DTNA: variants seen among roughly 807,000 people sequenced by gnomAD.
DTNA encodes the protein dystrophin-related protein 3.
Under a neutral mutation model 100.7 loss-of-function variants are expected in DTNA, and 43 were observed. The observed-to-expected ratio is 0.43, with a 90% confidence interval of 0.33 to 0.55. The LOEUF is 0.55. DTNA is among the 20% of genes least tolerant of loss of function. The pLI is 0.04. For missense variants in DTNA, 798 were observed against 953.9 expected (o/e 0.84, Z 2.15); for synonymous variants, 349 against 347.9 (o/e 1.00, Z -0.04).
At chr18:34,834,099 T>A (rs1385003796) in intron 11 of DTNA, among the ~76,000 whole-genome samples, 2 of 152,172 alleles carry the variant, frequency 1.3e-5, no homozygotes, top group Non-Finnish European at 1.5e-5. Context: ...AATATTGTGA[T>A]AATATAGCAC....
At chr18:34,617,657 T>C (rs1269201895) in intron 1 of DTNA, among the ~76,000 whole-genome samples, 1 of 152,074 alleles carries the variant, frequency 6.6e-6, no homozygotes, top group Admixed American at 6.6e-5. Flanking sequence ...TAGGGAAGAG[T>C]TCCCCCTCCT....
At chr18:34,754,230 T>C (rs78133536) in intron 1 of DTNA, among the ~76,000 whole-genome samples, 1 of 148,882 alleles carries the variant, frequency 6.7e-6, no homozygotes, top group East Asian at 2.0e-4. Context: ...TTACCACCAA[T>C]TTTTTTTTTT....
intron 17 of DTNA, chr18:34,867,697 A>G (rs1297378522): frequency 1.0e-6 from 1 of 985,998 alleles, no homozygotes. Context: ...TTTCCAGGCC[A>G]TTTCCCAGGC....
intron 1 of DTNA, among the ~76,000 whole-genome samples, chr18:34,545,377 A>G (rs982308521): frequency 6.6e-6 from 1 of 152,136 alleles, no homozygotes; most frequent in African/African-American, 2.4e-5. Context: ...TTATATTCCT[A>G]CTAGGATATG....
intron 14 of DTNA, among the ~76,000 whole-genome samples, chr18:34,849,610 T>C (rs2096444532): frequency 6.6e-6 from 1 of 152,222 alleles, no homozygotes; most frequent in Non-Finnish European, 1.5e-5. Context: ...AATGGCAGCC[T>C]GCAGACCAAA....
At chr18:34,583,838 CT>C (rs2048865935) in intron 1 of DTNA, among the ~76,000 whole-genome samples, 1 of 152,140 alleles carries the variant, frequency 6.6e-6, no homozygotes, top group African/African-American at 2.4e-5. Context: ...CCCTCCTCAA[CT>C]TTTTGCAGCC....
In DTNA at chr18:34,634,192, C is replaced by A. The variant is rs1471953153; in HGVS notation, c.-1-121784C>A. 2.0e-5 allele frequency among the ~76,000 whole-genome samples: 3 copies of A among 152,172 alleles called. No homozygotes were observed. The East Asian group carries it at 5.8e-4, about 29-fold the overall frequency. ...CATCACGTTTTCTCGAAAGCATTTA[C>A]TCCTTTGCCCAAAATGCATTTCTGT... is the stretch of plus-strand genomic sequence containing the variant. On this transcript the variant is annotated intron_variant, in intron 1 of 19. Transcript: ENST00000283365.
At chr18:34,568,084 G>A (rs576852708) in intron 1 of DTNA, among the ~76,000 whole-genome samples, 1 of 152,034 alleles carries the variant, frequency 6.6e-6, no homozygotes, top group East Asian at 1.9e-4. Context: ...CAATAGATTG[G>A]GAAATGAGAC....
At chr18:34,822,772 G>A (rs1410852455) in intron 9 of DTNA, among the ~76,000 whole-genome samples, 1 of 152,140 alleles carries the variant, frequency 6.6e-6, no homozygotes, top group Non-Finnish European at 1.5e-5. Flanking sequence ...TGAATTAACT[G>A]AGGGCTATAG....
chr18:34,740,971 A>G (rs2090540945), intron 1 of DTNA, among the ~76,000 whole-genome samples: 1 of 152,182 alleles, frequency 6.6e-6, no homozygotes, highest in African/African-American at 2.4e-5. Context: ...TCAGAGGAGC[A>G]TGATGTATGT....
chr18:34,765,631 A>G (rs1370504413), intron 2 of DTNA, among the ~76,000 whole-genome samples: 1 of 152,210 alleles, frequency 6.6e-6, no homozygotes, highest in Non-Finnish European at 1.5e-5. Context: ...TATCTATATC[A>G]TCTCGCTGTT....
chr18:34,540,573 C>T (rs1169590080), intron 1 of DTNA, among the ~76,000 whole-genome samples: 1 of 151,872 alleles, frequency 6.6e-6, no homozygotes, highest in Admixed American at 6.6e-5. Flanking sequence ...TATCATAGTC[C>T]TTAAAATAAT....
intron 1 of DTNA, among the ~76,000 whole-genome samples, chr18:34,703,443 A>G (rs2081663713): frequency 1.3e-5 from 2 of 152,200 alleles, no homozygotes; most frequent in Admixed American, 6.5e-5. Flanking sequence ...TATACTTGCA[A>G]ATGGTCAAGT....
At chr18:34,556,208 T>G (rs1020254895) in intron 1 of DTNA, among the ~76,000 whole-genome samples, 6 of 151,400 alleles carry the variant, frequency 4.0e-5, no homozygotes, top group South Asian at 2.1e-4. Flanking sequence ...CCTTTTTTTG[T>G]TTTCCATTTG....
chr18:34,549,108 C>T (rs933300940), intron 1 of DTNA, among the ~76,000 whole-genome samples: 7 of 152,080 alleles, frequency 4.6e-5, no homozygotes, highest in African/African-American at 1.4e-4. Flanking sequence ...TTTCTTCACC[C>T]TCTTTCCCTT....
intron 17 of DTNA, chr18:34,868,564 A>G: frequency 1.0e-6 from 1 of 985,404 alleles, no homozygotes; most frequent in Non-Finnish European, 1.2e-6. Context: ...CCAAACTTAG[A>G]ACACCCCCAC....
chr18:34,575,421 T>C (rs2048021178), intron 1 of DTNA, among the ~76,000 whole-genome samples: 1 of 152,200 alleles, frequency 6.6e-6, no homozygotes, highest in Non-Finnish European at 1.5e-5. Context: ...GTGACCACTG[T>C]CCATTTCATC....
intron 1 of DTNA, among the ~76,000 whole-genome samples, chr18:34,627,667 G>C (rs1031721518): frequency 6.6e-6 from 1 of 152,072 alleles, no homozygotes; most frequent in Non-Finnish European, 1.5e-5. Context: ...TTTGTCCTTT[G>C]CCTCTCTTGG....
rs557573191 is a variant in DTNA, at chr18:34,514,030, T to G, written c.-2+20516T>G. On this transcript the variant is annotated intron_variant, in intron 1 of 19. Transcript: ENST00000283365. ...AGAATGGACCAGAAAAAATAAAATC[T>G]CATTTAAATTGTGCACAGAGGTTCT... The G allele has an allele frequency of 2.6e-5, 4 of 152,202 alleles. No homozygotes were observed. The South Asian group carries it at 8.3e-4, about 32-fold the overall frequency. 9.4% of individuals were successfully genotyped at this position (152,202 alleles called of 1,614,324 possible). A position where few individuals can be genotyped will look rare whatever the true frequency, so the allele number is the denominator to read the frequency against.
Sources: gnomAD v4.1 joint callset for allele counts (sites outside exome capture counted in the v4.1 genomes callset) on GRCh38, gnomAD v4.1.1 for gene constraint, MANE v1.5 for transcripts, NCBI Gene and HGNC (gene_info 2026-07-23, HGNC 2026-07-21) for gene names.